Variants in THSD7A observed in about 807,000 individuals in gnomAD.
The protein encoded by THSD7A is thrombospondin type-1 domain-containing protein 7A.
A neutral mutation model predicts 231.3 loss-of-function variants in THSD7A; 96 were observed. The ratio of observed to expected loss-of-function variants is 0.41; its 90% CI spans 0.35 to 0.49. The LOEUF (loss-of-function observed/expected upper bound fraction) is 0.49, where lower values mean the gene tolerates loss of function less well. THSD7A is among the 20% of genes least tolerant of loss of function. The pLI is 0.05. For synonymous variants in THSD7A, 940 were observed against 743.3 expected, an observed-to-expected ratio of 1.26 and a Z score of -4.30; for missense variants, 2,290 against 2,070.2, an observed-to-expected ratio of 1.11 and a Z score of -2.06.
chr7:11,636,940 C>T lies in THSD7A; in HGVS notation c.212G>A (p.Gly71Glu), dbSNP rs970488326. 6.2e-7 allele frequency: 1 copy of T among 1,609,248 alleles called. No individual in the cohort carries two copies. Among genetic ancestry groups the T allele is most frequent in the Non-Finnish European group, 8.5e-7 (1 of 1,177,954 alleles). Residue 71 changes from glycine (G) to glutamate (E), a missense_variant, in exon 2 of 28, where the codon GGA (glycine) becomes GAA (glutamate). Coordinates refer to ENST00000423059, the MANE Select transcript of THSD7A (RefSeq NM_015204.3). The surrounding 1 kb of genome is among the most constrained non-coding windows in gnomAD (Gnocchi z 10.0). The part of the protein sequence containing the change: ...WKTGPWGRCM[G>E]DECGPGGIQT... Reference sequence around the variant, plus strand: ...GATGCCTCCGGGACCACATTCATCTCCCATACATCGGCCCCATGGACCTAC... The same window carrying T: ...GATGCCTCCGGGACCACATTCATCTTCCATACATCGGCCCCATGGACCTAC...
chr7:11,430,938 T>G (rs1040119628), intron 13 of THSD7A, among the ~76,000 whole-genome samples: 1 of 152,250 alleles, frequency 6.6e-6, no homozygotes, highest in Non-Finnish European at 1.5e-5. Context: ...CTATCATGAA[T>G]AATGCTGCTA....
intron 1 of THSD7A, among the ~76,000 whole-genome samples, chr7:11,787,614 A>G (rs776172206): frequency 6.6e-6 from 1 of 152,112 alleles, no homozygotes; most frequent in Non-Finnish European, 1.5e-5. Context: ...CAGCCGCTAC[A>G]CCAAAGAAAA....
intron 1 of THSD7A, among the ~76,000 whole-genome samples, chr7:11,679,944 T>C (rs1344962263): frequency 1.3e-5 from 2 of 152,052 alleles, no homozygotes. Flanking sequence ...GACTTCAAAC[T>C]ATACTACAAG....
chr7:11,420,029 A>G (rs1265862720), intron 16 of THSD7A, among the ~76,000 whole-genome samples: 2 of 152,212 alleles, frequency 1.3e-5, no homozygotes, highest in Non-Finnish European at 2.9e-5. Context: ...TAAACAAGTA[A>G]ATGACCCCAA....
At chr7:11,533,233 C>A (rs1289050698) in intron 6 of THSD7A, among the ~76,000 whole-genome samples, 1 of 152,184 alleles carries the variant, frequency 6.6e-6, no homozygotes, top group Non-Finnish European at 1.5e-5. Flanking sequence ...GGCCTAATTT[C>A]TGTGGTCCAG....
intron 1 of THSD7A, among the ~76,000 whole-genome samples, chr7:11,640,182 GCCCCTT>G (rs1782027701): frequency 1.3e-5 from 2 of 152,102 alleles, no homozygotes. Flanking sequence ...TGACTCTATA[GCCCCTT>G]GAGGACAGGC....
At chr7:11,499,723 C>T (rs937941389) in intron 6 of THSD7A, among the ~76,000 whole-genome samples, 1 of 152,106 alleles carries the variant, frequency 6.6e-6, no homozygotes, top group Non-Finnish European at 1.5e-5. Context: ...AATCTCAGAA[C>T]TTGAAGACTG....
intron 1 of THSD7A, among the ~76,000 whole-genome samples, chr7:11,686,443 T>TAAC (rs1780054692): frequency 6.6e-6 from 1 of 151,888 alleles, no homozygotes; most frequent in Admixed American, 6.6e-5. Context: ...AAAAGATACA[T>TAAC]AACAACATGT....
rs568680486 is a variant in THSD7A at position 11,770,494 on chromosome 7, T to A, written c.190+61263A>T. 3.9e-5 allele frequency among the ~76,000 whole-genome samples: 6 copies of A among 152,264 alleles called. No individual in the cohort carries two copies. The East Asian group carries it at 1.2e-3, about 29-fold the overall frequency. On this transcript the variant is annotated intron_variant, in intron 1 of 27. Transcript: ENST00000423059. ...GGTTAATTCTGACAGTGAAGCCACA[T>A]TTACCAGTGTTTCTGAGGCAAAGGG... is the stretch of plus-strand genomic sequence containing the variant.
At chr7:11,710,986 T>C (rs924869247) in intron 1 of THSD7A, among the ~76,000 whole-genome samples, 3 of 150,852 alleles carry the variant, frequency 2.0e-5, no homozygotes, top group Non-Finnish European at 4.5e-5. Context: ...TTAAGGTGCA[T>C]CTATTAAATA....
In THSD7A at chr7:11,775,636, C is replaced by A. The variant is rs1372546210; in HGVS notation, c.190+56121G>T. ...ACTTATATGAAGTACCTAGAATAGT[C>A]AAATTACTAGAGACAAAAACTAGAA... On this transcript the variant is annotated intron_variant, in intron 1 of 27. Transcript: ENST00000423059. 6.6e-5 allele frequency among the ~76,000 whole-genome samples: 10 copies of A among 152,058 alleles called. 1 individual carries two copies. Among genetic ancestry groups the A allele is most frequent in the Non-Finnish European group, 8.8e-5 (6 of 68,022 alleles).
intron 2 of THSD7A, among the ~76,000 whole-genome samples, chr7:11,616,699 G>T (rs1781115511): frequency 6.6e-6 from 1 of 152,058 alleles, no homozygotes; most frequent in South Asian, 2.1e-4. Flanking sequence ...GCTCTCCCCA[G>T]TGTCTTCTTT....
intron 13 of THSD7A, among the ~76,000 whole-genome samples, chr7:11,439,496 T>C (rs890352114): frequency 3.2e-4 from 49 of 152,046 alleles, no homozygotes; most frequent in Middle Eastern, 3.2e-3. Flanking sequence ...GCTGTTACTA[T>C]TGTAATTGTT....
At position 11,377,917 on chromosome 7, in the gene THSD7A, T is replaced by C. The variant is rs1405000404; in HGVS notation, c.4801+1153A>G. 1.3e-5 allele frequency: 2 copies of C among 152,034 alleles called. No individual in the cohort carries two copies. Among genetic ancestry groups the C allele is most frequent in the African/African-American group, 4.8e-5 (2 of 41,410 alleles). The allele number at this position is 152,034 out of a possible 1,614,324, so 9.4% of individuals were successfully genotyped here. On this transcript the variant is annotated intron_variant, in intron 26 of 27. Coordinates refer to ENST00000423059, the MANE Select transcript of THSD7A (RefSeq NM_015204.3). The surrounding 1 kb of genome is among the most constrained non-coding windows in gnomAD (Gnocchi z 4.5). ...TGAGGAGATCTGCTTCAATTCTTAG[T>C]GAAGGTCAAAATTGCTACTGGTTGT...
At chr7:11,808,890 C>A (rs933422709) in intron 1 of THSD7A, among the ~76,000 whole-genome samples, 3 of 151,774 alleles carry the variant, frequency 2.0e-5, no homozygotes, top group African/African-American at 4.8e-5. Context: ...AAGGTAATGA[C>A]CTAAATAGCC....
At chr7:11,737,627 T>C (rs973081139) in intron 1 of THSD7A, among the ~76,000 whole-genome samples, 6 of 152,110 alleles carry the variant, frequency 3.9e-5, no homozygotes, top group South Asian at 2.1e-4. Flanking sequence ...ATCCAAACTT[T>C]CATAGGCCAT....
intron 1 of THSD7A, among the ~76,000 whole-genome samples, chr7:11,707,026 C>G (rs1484986599): frequency 2.7e-5 from 4 of 150,604 alleles, no homozygotes; most frequent in Non-Finnish European, 6.0e-5. Flanking sequence ...AAACTTTTTC[C>G]ACAAAATATT....
At chr7:11,587,115 C>T (rs1465781799) in intron 4 of THSD7A, among the ~76,000 whole-genome samples, 1 of 152,142 alleles carries the variant, frequency 6.6e-6, no homozygotes, top group Non-Finnish European at 1.5e-5. Context: ...GTAAAATCTA[C>T]TTTCATTTTA....
intron 23 of THSD7A, among the ~76,000 whole-genome samples, chr7:11,396,992 A>C (rs1322117559): frequency 2.0e-5 from 3 of 152,214 alleles, no homozygotes; most frequent in African/African-American, 4.8e-5. Context: ...TGAATCAATA[A>C]ACGTAATCCA....
Sources: gnomAD v4.1 joint callset for allele counts (sites outside exome capture counted in the v4.1 genomes callset) on GRCh38, gnomAD v4.1.1 for gene constraint, Gnocchi (gnomAD v3.1) non-coding constraint, MANE v1.5 for transcripts, NCBI Gene and HGNC (gene_info 2026-07-23, HGNC 2026-07-21) for gene names.